DST: variants seen among roughly 807,000 people sequenced by gnomAD.
DST encodes the protein bullous pemphigoid antigen.
DST carries 253 observed loss-of-function variants against 875.2 expected under a neutral mutation model. The ratio of observed to expected loss-of-function variants is 0.29; its 90% CI spans 0.26 to 0.32. The LOEUF (loss-of-function observed/expected upper bound fraction) is 0.32, where lower values mean the gene tolerates loss of function less well. Ranked by LOEUF, DST falls within the 10% of genes least tolerant of loss-of-function variation. The pLI, the probability that DST is intolerant of heterozygous loss-of-function variation, is 1.00. For missense variants in DST, 8,287 were observed against 9,111.6 expected (o/e 0.91, Z 3.68); for synonymous variants, 3,124 against 3,197.1 (o/e 0.98, Z 0.77).
chr6:56,646,164 A>C lies in DST; in HGVS notation c.1573T>G (p.Leu525Val). Reference sequence around the variant, plus strand: ...GGAATTTCTGTTTCTTTAAACTGTAAATACTGATTATAAAGTGCCTAAAAT... The same window carrying C: ...GGAATTTCTGTTTCTTTAAACTGTACATACTGATTATAAAGTGCCTAAAAT... ...VELKALYNQY[L>V]QFKETEIPPK... Residue 525 changes from leucine to valine, a missense_variant, in exon 14 of 104, where the codon TTA (leucine) becomes GTA (valine). By Grantham distance (32) the Leu-to-Val change is conservative. Transcript: ENST00000680361. 1 of 1,498,820 alleles carries C rather than the reference A, an allele frequency of 6.7e-7. No homozygotes were observed. Among genetic ancestry groups the C allele is most frequent in the African/African-American group, 1.4e-5 (1 of 71,066 alleles). 92.8% of individuals were successfully genotyped at this position (1,498,820 alleles called of 1,614,324 possible). A position where few individuals can be genotyped will look rare whatever the true frequency, so the allele number is the denominator to read the frequency against.
intron 44 of DST, among the ~76,000 whole-genome samples, chr6:56,600,635 A>G (rs1223738891): frequency 6.6e-6 from 1 of 152,048 alleles, no homozygotes; most frequent in African/African-American, 2.4e-5. Context: ...CATGCTAGAG[A>G]CAATGTCTGG....
At chr6:56,742,191 T>C (rs1334544473) in intron 4 of DST, 2 of 895,410 alleles carry the variant, frequency 2.2e-6, no homozygotes, top group East Asian at 6.2e-5. Flanking sequence ...ACTATCGCCA[T>C]GCAAACCAAA....
chr6:56,755,300 G>A (rs923367298), intron 4 of DST, among the ~76,000 whole-genome samples: 3 of 152,176 alleles, frequency 2.0e-5, no homozygotes, highest in Non-Finnish European at 2.9e-5. Context: ...GTAGCTAGAA[G>A]CTCAGAGACT....
intron 4 of DST, among the ~76,000 whole-genome samples, chr6:56,838,414 A>G (rs2099796201): frequency 6.6e-6 from 1 of 152,338 alleles, no homozygotes; most frequent in South Asian, 2.1e-4. Context: ...CGGCAGAAAT[A>G]CAAGCACTTC....
At chr6:56,654,598 A>ATC in intron 10 of DST, among the ~76,000 whole-genome samples, 2 of 150,002 alleles carry the variant, frequency 1.3e-5, no homozygotes, top group African/African-American at 5.1e-5. Context: ...ATATATATAT[A>ATC]TATATATCTC....
intron 3 of DST, among the ~76,000 whole-genome samples, chr6:56,887,469 G>A (rs898972330): frequency 2.0e-5 from 3 of 152,176 alleles, no homozygotes; most frequent in Non-Finnish European, 2.9e-5. Context: ...CATCTTACCA[G>A]AGCAATTTAA....
At chr6:56,825,116 A>T (rs2099778605) in intron 4 of DST, among the ~76,000 whole-genome samples, 1 of 151,522 alleles carries the variant, frequency 6.6e-6, no homozygotes, top group Non-Finnish European at 1.5e-5. Context: ...GTGTAGAAAG[A>T]AGTAGACATG....
At chr6:56,775,129 T>C (rs911339035) in intron 4 of DST, among the ~76,000 whole-genome samples, 1 of 150,906 alleles carries the variant, frequency 6.6e-6, no homozygotes, top group Non-Finnish European at 1.5e-5. Context: ...GTTACAAGAG[T>C]AACTAAATTC....
At chr6:56,489,086 C>T (rs959720563) in intron 86 of DST, among the ~76,000 whole-genome samples, 3 of 152,032 alleles carry the variant, frequency 2.0e-5, no homozygotes, top group Non-Finnish European at 2.9e-5. Flanking sequence ...GAATCCATAC[C>T]GCAAAATATC....
At chr6:56,914,620 G>A (rs2127724074) in intron 2 of DST, among the ~76,000 whole-genome samples, 1 of 152,256 alleles carries the variant, frequency 6.6e-6, no homozygotes, top group African/African-American at 2.4e-5. Flanking sequence ...TAAATCTCCT[G>A]CATAGAGTCT....
intron 4 of DST, among the ~76,000 whole-genome samples, chr6:56,818,026 G>A (rs2099768673): frequency 1.3e-5 from 2 of 152,158 alleles, no homozygotes; most frequent in African/African-American, 2.4e-5. Flanking sequence ...ACATAGCCAT[G>A]AGCCAAGGAA....
At chr6:56,467,821 G>C (rs2094659873) in intron 98 of DST, among the ~76,000 whole-genome samples, 1 of 152,068 alleles carries the variant, frequency 6.6e-6, no homozygotes, top group Non-Finnish European at 1.5e-5. Context: ...CAAGACAAGA[G>C]AAAATAGACT....
Position 56,782,256 on chromosome 6 carries a change from T to C in DST, c.626-46967A>G, listed in dbSNP as rs1470729788. Among the ~76,000 whole-genome samples, 5 of 152,336 alleles carry C rather than the reference T, an allele frequency of 3.3e-5. No individual in the cohort carries two copies. The East Asian group carries it at 5.8e-4, about 18-fold the overall frequency. On this transcript the variant is annotated intron_variant, in intron 4 of 103. Coordinates refer to ENST00000680361, the MANE Select transcript of DST (RefSeq NM_001374736.1). The stretch of plus-strand genomic sequence containing the variant: ...GCCTCACAAAATGAGTGAGGGAGGA[T>C]TCCCTCTTTTTCTATTGATTGGACT...
At position 56,492,370 on chromosome 6, in the gene DST, G is replaced by A. The variant is rs778951369; in HGVS notation, c.20614C>T (p.His6872Tyr). The change falls in exon 85 of 104, where the codon CAC (histidine) becomes TAC (tyrosine). Residue 6872 changes from histidine (H) to tyrosine (Y), a missense_variant. His to Tyr is a moderately conservative substitution (Grantham distance 83). Coordinates refer to ENST00000680361, the MANE Select transcript of DST (RefSeq NM_001374736.1). The stretch of plus-strand genomic sequence containing the variant: ...TGTTTCTGACTAAAATATTTTAGGT[G>A]GGTTCCAGTTTTGTCCAGCTCTATT... Reference protein sequence around the residue: ...QIIELDKTGTHLKYFSQKQDV... With the variant: ...QIIELDKTGTYLKYFSQKQDV... 1 of 1,613,758 alleles carries A rather than the reference G, an allele frequency of 6.2e-7. No individual in the cohort carries two copies. Among genetic ancestry groups the A allele is most frequent in the Non-Finnish European group, 8.5e-7 (1 of 1,179,804 alleles).
chr6:56,826,094 T>G (rs1439893880), intron 4 of DST, among the ~76,000 whole-genome samples: 3 of 152,250 alleles, frequency 2.0e-5, no homozygotes, highest in Non-Finnish European at 4.4e-5. Flanking sequence ...GTCTGAATTA[T>G]GCAAGGCAGT....
rs1478365890 is a variant in DST, at chr6:56,463,639, T to A, written c.22885A>T (p.Asn7629Tyr). 6.2e-7 allele frequency: 1 copy of A among 1,613,870 alleles called. No homozygotes were observed. Among genetic ancestry groups the A allele is most frequent in the Non-Finnish European group, 8.5e-7 (1 of 1,179,830 alleles). Residue 7629 changes from asparagine to tyrosine, a missense_variant, in exon 101 of 104, where the codon AAC becomes TAC. By Grantham distance (143) the Asn-to-Tyr change is moderately radical (BLOSUM62 -2). Around this residue, in one of 10 missense-constraint regions of DST, gnomAD observed 240 missense variants for 237.3 expected, o/e 1.01. Transcript: ENST00000680361. ...TGACTGGACACAGAAGTGGATCTGT[T>A]GGGTGAAGCGCCTCGTGATGATGGC... Reference protein sequence around the residue: ...SRPSSRGASPNRSTSVSSQAA... With the variant: ...SRPSSRGASPYRSTSVSSQAA...
At chr6:56,594,857 T>A (rs1299293988) in intron 47 of DST, among the ~76,000 whole-genome samples, 3 of 152,270 alleles carry the variant, frequency 2.0e-5, no homozygotes, top group Admixed American at 2.0e-4. Flanking sequence ...AGATCACATA[T>A]GTAGAGCACT....
intron 61 of DST, among the ~76,000 whole-genome samples, chr6:56,550,371 G>C (rs1378402944): frequency 6.6e-6 from 1 of 151,986 alleles, no homozygotes; most frequent in African/African-American, 2.4e-5. Context: ...CATGCTAAAT[G>C]GTTTATTTTA....
In DST at chr6:56,529,598, G is replaced by A. The variant is rs765182825; in HGVS notation, c.17445C>T (p.Leu5815=). 2 of 1,613,750 alleles carry A rather than the reference G, an allele frequency of 1.2e-6. No homozygotes were observed. Among genetic ancestry groups the A allele is most frequent in the East Asian group, 4.5e-5 (2 of 44,858 alleles). ...IQEKSHSRSE[L]LQQALCNAKI... ...TAGCATTACATAAGGCCTGCTGGAGGAGCTCAGACCTGCTGTGACTTTTCT... is the reference window on the plus strand; with the variant it reads ...TAGCATTACATAAGGCCTGCTGGAGAAGCTCAGACCTGCTGTGACTTTTCT... The change falls in exon 66 of 104, where the codon CTC becomes CTT. Residue 5815 remains leucine (L), a synonymous_variant. Transcript: ENST00000680361.
Sources: allele counts gnomAD v4.1 joint callset (sites outside exome capture counted in the v4.1 genomes callset), GRCh38; gene constraint gnomAD v4.1.1; regional missense constraint gnomAD v4.1.1; transcripts MANE v1.5; gene names NCBI Gene and HGNC (gene_info 2026-07-23, HGNC 2026-07-21).